Variants in NPHP1 observed in about 807,000 individuals in gnomAD.
NPHP1 encodes nephrocystin-1.
NPHP1 carries 70 observed loss-of-function variants against 90.4 expected under a neutral mutation model. That is an observed-to-expected ratio of 0.77 (90% CI 0.64 to 0.95). NPHP1 has a LOEUF of 0.95. Ranked by LOEUF, NPHP1 falls within the 40% of genes least tolerant of loss-of-function variation. NPHP1 has a pLI of 0.00. For missense variants in NPHP1, 764 were observed against 795.9 expected (o/e 0.96, Z 0.48); for synonymous variants, 256 against 271.7 (o/e 0.94, Z 0.57).
chr2:110,167,140 T>C lies in NPHP1; in HGVS notation c.624+1312A>G, dbSNP rs146504142. 4.6e-4 allele frequency among the ~76,000 whole-genome samples: 70 copies of C among 152,288 alleles called. No individual in the cohort carries two copies. The East Asian group carries it at 0.013, about 29-fold the overall frequency. ...GTAATGAAAAACATGTATTTGTTCTTTGTCACTGATTCCTGGCACAGAGCT... is the reference window on the plus strand; with the variant it reads ...GTAATGAAAAACATGTATTTGTTCTCTGTCACTGATTCCTGGCACAGAGCT... On this transcript the variant is annotated intron_variant, in intron 6 of 19. Transcript: ENST00000445609.
intron 11 of NPHP1, among the ~76,000 whole-genome samples, chr2:110,156,209 C>G (rs189712807): frequency 2.9e-4 from 44 of 152,022 alleles, no homozygotes; most frequent in African/African-American, 1.0e-3. Flanking sequence ...TCCTGAGTAG[C>G]TGGGATTACA....
chr2:110,168,411 A>G, intron 6 of NPHP1, 41 bp downstream of exon 6: 1 of 1,299,356 alleles, frequency 7.7e-7, no homozygotes, highest in Non-Finnish European at 1.1e-6. Context: ...AAGCGAAAAA[A>G]AAAAAAGTCT....
chr2:110,151,392 A>T (rs1681463205), intron 11 of NPHP1, among the ~76,000 whole-genome samples: 1 of 152,146 alleles, frequency 6.6e-6, no homozygotes, highest in Non-Finnish European at 1.5e-5. Context: ...ACACAAAGGG[A>T]TTTATGGAAT....
At chr2:110,139,999 T>C (rs1236180899) in intron 16 of NPHP1, among the ~76,000 whole-genome samples, 2 of 152,038 alleles carry the variant, frequency 1.3e-5, no homozygotes, top group South Asian at 2.1e-4. Context: ...CCTAGTCTCT[T>C]ACCTTGAACC....
intron 1 of NPHP1, among the ~76,000 whole-genome samples, chr2:110,203,166 T>C (rs1011518841): frequency 2.6e-5 from 4 of 151,492 alleles, no homozygotes; most frequent in African/African-American, 9.7e-5. Flanking sequence ...TGAATTAGCA[T>C]AGGAACAGAA....
chr2:110,199,619 CA>C (rs1685427783), intron 2 of NPHP1, among the ~76,000 whole-genome samples: 1 of 151,882 alleles, frequency 6.6e-6, no homozygotes, highest in South Asian at 2.1e-4. Flanking sequence ...TGAGACCCCC[CA>C]CATCCCCCCA....
At chr2:110,203,064 A>G (rs1049103996) in intron 1 of NPHP1, among the ~76,000 whole-genome samples, 1 of 152,202 alleles carries the variant, frequency 6.6e-6, no homozygotes, top group Non-Finnish European at 1.5e-5. Flanking sequence ...AATGTGGTAC[A>G]TATACACCAT....
chr2:110,166,490 CCTT>C (rs1328235809), intron 6 of NPHP1, among the ~76,000 whole-genome samples: 2 of 152,156 alleles, frequency 1.3e-5, no homozygotes, highest in East Asian at 1.9e-4. Flanking sequence ...TTCCAAGAAA[CCTT>C]CTTAAAAAGG....
intron 2 of NPHP1, among the ~76,000 whole-genome samples, chr2:110,193,512 C>T (rs1314521947): frequency 6.6e-6 from 1 of 151,992 alleles, no homozygotes; most frequent in African/African-American, 2.4e-5. Flanking sequence ...TAAAGCAAGT[C>T]CTTAGAGACC....
In NPHP1 at chr2:110,187,753, T is replaced by C. The variant is rs149789366; in HGVS notation, c.144-8069A>G. 5.8e-4 allele frequency among the ~76,000 whole-genome samples: 88 copies of C among 152,166 alleles called. 1 individual carries two copies. The highest frequency in any genetic ancestry group is 3.4e-3 in the Middle Eastern group (1 of 294). ...AGCCAATATCCTTCATGAACATCGA[T>C]ACAAAAATCCGCAACAAAATACTGG... On this transcript the variant is annotated intron_variant, in intron 2 of 19. Coordinates refer to ENST00000445609, the MANE Select transcript of NPHP1 (RefSeq NM_001128178.3).
intron 2 of NPHP1, among the ~76,000 whole-genome samples, chr2:110,194,577 T>C: frequency 6.6e-6 from 1 of 151,954 alleles, no homozygotes; most frequent in Non-Finnish European, 1.5e-5. Flanking sequence ...CTACCAGAGG[T>C]ACAAGGAGGA....
At chr2:110,134,900 C>A (rs1202655045) in intron 16 of NPHP1, among the ~76,000 whole-genome samples, 1 of 152,080 alleles carries the variant, frequency 6.6e-6, no homozygotes. Flanking sequence ...ACACTGAAAG[C>A]TTTTCCTCTA....
chr2:110,196,566 C>A (rs1439302198), intron 2 of NPHP1, among the ~76,000 whole-genome samples: 2 of 152,226 alleles, frequency 1.3e-5, no homozygotes, highest in East Asian at 3.9e-4. Context: ...GGACTGTAAA[C>A]TAGTTCAACC....
At chr2:110,168,011 CAG>C (rs1191489060) in intron 6 of NPHP1, among the ~76,000 whole-genome samples, 2 of 152,050 alleles carry the variant, frequency 1.3e-5, no homozygotes, top group African/African-American at 4.8e-5. Context: ...CTGATCCAGA[CAG>C]AAATCTATAT....
At chr2:110,163,007 G>A (rs769839687) in intron 9 of NPHP1, 41 bp downstream of exon 9, 5 of 1,365,550 alleles carry the variant, frequency 3.7e-6, no homozygotes, top group Non-Finnish European at 5.2e-6. Flanking sequence ...GATCTTGACT[G>A]CTTTGCTGAA....
chr2:110,195,123 C>T (rs1402183632), intron 2 of NPHP1, among the ~76,000 whole-genome samples: 2 of 152,034 alleles, frequency 1.3e-5, no homozygotes, highest in African/African-American at 4.8e-5. Flanking sequence ...TCTCTCACCA[C>T]TCCTATTCAA....
At chr2:110,147,766 T>A (rs1681167727) in intron 13 of NPHP1, 150 bp downstream of exon 13, 1 of 635,866 alleles carries the variant, frequency 1.6e-6, no homozygotes, top group Admixed American at 2.8e-5. Flanking sequence ...TCAGCACACA[T>A]AAAATTAGAA....
At chr2:110,137,179 T>C (rs1229005118) in intron 16 of NPHP1, among the ~76,000 whole-genome samples, 2 of 152,094 alleles carry the variant, frequency 1.3e-5, no homozygotes, top group South Asian at 2.1e-4. Context: ...TAATTCAAGA[T>C]GGATTAAAGA....
At chr2:110,164,312 C>T in intron 8 of NPHP1, 1 of 576,718 alleles carries the variant, frequency 1.7e-6, no homozygotes, top group South Asian at 2.1e-5. Context: ...GTTGGGATTA[C>T]CAGTGTGAAT....
Sources: gnomAD v4.1 joint callset for allele counts (sites outside exome capture counted in the v4.1 genomes callset) on GRCh38, gnomAD v4.1.1 for gene constraint, MANE v1.5 for transcripts, NCBI Gene and HGNC (gene_info 2026-07-23, HGNC 2026-07-21) for gene names.